The following CHD8 variants were observed in gnomAD, a reference collection of about 807,000 sequenced individuals.
The protein encoded by CHD8 is chromodomain helicase DNA binding protein 8.
CHD8 carries 31 observed loss-of-function variants against 279.2 expected under a neutral mutation model. That is an observed-to-expected ratio of 0.11 (90% confidence interval 0.08 to 0.15). The LOEUF (loss-of-function observed/expected upper bound fraction) is 0.15, where lower values mean the gene tolerates loss of function less well. CHD8 is among the 10% of genes least tolerant of loss of function. The pLI is 1.00. For missense variants in CHD8, 2,146 were observed against 3,230.5 expected, an observed-to-expected ratio of 0.66 and a Z score of 8.14; for synonymous variants, 1,081 against 1,139.6, an observed-to-expected ratio of 0.95 and a Z score of 1.04.
chr14:21,420,748 T>C (rs1366135371), intron 5 of CHD8, among the ~76,000 whole-genome samples: 4 of 152,136 alleles, frequency 2.6e-5, no homozygotes, highest in Admixed American at 2.6e-4. Flanking sequence ...CTACCTGTTG[T>C]AATTTTTCTC....
intron 1 of CHD8, chr14:21,436,879 G>A: frequency 1.8e-6 from 2 of 1,104,948 alleles, no homozygotes; most frequent in Non-Finnish European, 2.4e-6. Context: ...GGGTGGGGGT[G>A]GGGGGGACCC....
chr14:21,438,692 C>T (rs1397729892), intron 1 of CHD8, among the ~76,000 whole-genome samples: 2 of 151,702 alleles, frequency 1.3e-5, no homozygotes, highest in African/African-American at 4.8e-5. Flanking sequence ...AATTACTGGG[C>T]GTAGTGGCAT....
intron 4 of CHD8, chr14:21,427,126 T>C (rs562532475): frequency 2.0e-5 from 3 of 152,662 alleles, no homozygotes; most frequent in Non-Finnish European, 4.4e-5. Flanking sequence ...CTATAAGCAT[T>C]AGGACAGAAA....
intron 13 of CHD8, among the ~76,000 whole-genome samples, chr14:21,407,626 T>C (rs1888307091): frequency 6.6e-6 from 1 of 152,178 alleles, no homozygotes; most frequent in Non-Finnish European, 1.5e-5. Flanking sequence ...TTTCTTTTTT[T>C]GAGACACAGT....
At chr14:21,455,473 A>T (rs1685602459) in intron 1 of CHD8, among the ~76,000 whole-genome samples, 1 of 152,122 alleles carries the variant, frequency 6.6e-6, no homozygotes, top group South Asian at 2.1e-4. Context: ...TCTTCCCACC[A>T]TCTCTAAACA....
chr14:21,414,168 T>TGA (rs1183865811), intron 9 of CHD8, 133 bp downstream of exon 9: 1 of 607,142 alleles, frequency 1.6e-6, no homozygotes, highest in Admixed American at 3.0e-5. Flanking sequence ...GGGAAGTCAA[T>TGA]GACCAAAATT....
intron 13 of CHD8, among the ~76,000 whole-genome samples, chr14:21,407,860 C>T (rs374191701): frequency 3.3e-5 from 5 of 152,198 alleles, no homozygotes; most frequent in African/African-American, 9.6e-5. Flanking sequence ...AAGCCCACCT[C>T]GGCCTCCCAA....
At position 21,403,000 on chromosome 14, in the gene CHD8, AC is replaced by A. The variant is rs1210004131; in HGVS notation, c.3714+16del. ...CCAAGTTAGGTAGTTAGTCCCTAAG[AC>A]AATGAATTCCTTTACCTGCAGGTCA... On this transcript the variant is annotated intron_variant, in intron 18 of 37. Coordinates refer to ENST00000646647, the MANE Select transcript of CHD8 (RefSeq NM_001170629.2). This position sits in a 1 kb window ranked among gnomAD's most constrained non-coding sequence, Gnocchi z 4.5. 18 of 1,602,044 alleles carry A rather than the reference AC, an allele frequency of 1.1e-5. No individual in the cohort carries two copies. The highest frequency in any genetic ancestry group is 1.5e-5 in the Non-Finnish European group (18 of 1,170,482).
Position 21,392,994 on chromosome 14 carries a change from C to A in CHD8, c.6468+112G>T, listed in dbSNP as rs72684753. On this transcript the variant is annotated intron_variant, in intron 33 of 37. Transcript: ENST00000646647. ...TCCTGGAAAAAAAAAAAAAAACTTG[C>A]AGCAATAAACACAATTTTAAAAATC... 5,256 of 1,280,958 alleles carry A rather than the reference C, an allele frequency of 4.1e-3. 13 individuals are homozygous for A. Among genetic ancestry groups the A allele is most frequent in the Admixed American group, 6.8e-3 (242 of 35,372 alleles). The allele number at this position is 1,280,958 out of a possible 1,614,324, so 79.3% of individuals were successfully genotyped here.
At chr14:21,411,469 G>A (rs1408943555) in intron 10 of CHD8, among the ~76,000 whole-genome samples, 1 of 152,152 alleles carries the variant, frequency 6.6e-6, no homozygotes, top group Non-Finnish European at 1.5e-5. Flanking sequence ...GGTCCTGTTA[G>A]AATGATGTAT....
chr14:21,405,560 T>G lies in CHD8; in HGVS notation c.3052-96A>C. 2 of 1,508,144 alleles carry G rather than the reference T, an allele frequency of 1.3e-6. No homozygotes were observed. The highest frequency in any genetic ancestry group is 1.8e-6 in the Non-Finnish European group (2 of 1,116,830). 93.4% of individuals were successfully genotyped at this position (1,508,144 alleles called of 1,614,324 possible). On this transcript the variant is annotated intron_variant, in intron 15 of 37. Coordinates refer to ENST00000646647, the MANE Select transcript of CHD8 (RefSeq NM_001170629.2). This position sits in a 1 kb window ranked among gnomAD's most constrained non-coding sequence, Gnocchi z 4.2. ...ATGGAAAAATTAGAGTTTTCCACTA[T>G]CTAAGAAATGTATACTTTGGATGAT...
chr14:21,428,369 GCTC>G, intron 3 of CHD8, 115 bp from the exon 4 acceptor site: 1 of 919,600 alleles, frequency 1.1e-6, no homozygotes. Context: ...CAAGAATCAA[GCTC>G]AGACTAAATC....
At position 21,412,962 on chromosome 14, in the gene CHD8, A is replaced by T; in HGVS notation, c.2177T>A (p.Val726Glu). 6.2e-7 allele frequency: 1 copy of T among 1,610,786 alleles called. No homozygotes were observed. Among genetic ancestry groups the T allele is most frequent in the Non-Finnish European group, 8.5e-7 (1 of 1,177,382 alleles). Residue 726 changes from valine to glutamate, a missense_variant, in exon 10 of 38, where the codon GTG (valine) becomes GAG (glutamate). Physicochemically the swap from Val to Glu is moderately radical, Grantham distance 121 (BLOSUM62 -2). Coordinates refer to ENST00000646647, the MANE Select transcript of CHD8 (RefSeq NM_001170629.2). ...EEPFNPDYVE[V>E]DRILDESHSI... Reference sequence around the variant, plus strand: ...GTGAGACTCATCCAATATCCTATCCACCTCTACGTAGTCTGGATTAAAGGG... The same window carrying T: ...GTGAGACTCATCCAATATCCTATCCTCCTCTACGTAGTCTGGATTAAAGGG...
rs1161263807 is a variant in CHD8 at position 21,403,360 on chromosome 14, C to T, written c.3518+93G>A. 8.6e-6 allele frequency: 11 copies of T among 1,276,120 alleles called. No individual in the cohort carries two copies. The East Asian group carries it at 2.5e-4, about 29-fold the overall frequency. The allele number at this position is 1,276,120 out of a possible 1,614,324, so 79.0% of individuals were successfully genotyped here. On this transcript the variant is annotated intron_variant, in intron 17 of 37. Coordinates refer to ENST00000646647, the MANE Select transcript of CHD8 (RefSeq NM_001170629.2). The surrounding 1 kb of genome is among the most constrained non-coding windows in gnomAD (Gnocchi z 4.3). ...AGAATCTTAAAAACTTCTCTTATTG[C>T]AATTGGTGAACTCTAATTAAATCCA...
chr14:21,385,596 G>C lies in CHD8; in HGVS notation c.*17C>G, dbSNP rs1476454860. 4.5e-6 allele frequency: 7 copies of C among 1,544,944 alleles called. No homozygotes were observed. The highest frequency in any genetic ancestry group is 6.1e-6 in the Non-Finnish European group (7 of 1,143,100). ...AAATACAGCAGCCGCCCAAGCAATG[G>C]GGCCCATGCTGGGGCTTCAGTCATC... On this transcript the variant is annotated 3_prime_UTR_variant, in exon 38 of 38. Coordinates refer to ENST00000646647, the MANE Select transcript of CHD8 (RefSeq NM_001170629.2).
At chr14:21,401,916 GTC>G (rs1403901613) in intron 20 of CHD8, 39 bp downstream of exon 20, 1 of 1,525,288 alleles carries the variant, frequency 6.6e-7, no homozygotes, top group African/African-American at 1.4e-5. Context: ...AGAGATTCCG[GTC>G]TCTGTGTTTT....
At chr14:21,419,341 C>T (rs1390026059) in intron 5 of CHD8, among the ~76,000 whole-genome samples, 1 of 152,086 alleles carries the variant, frequency 6.6e-6, no homozygotes, top group Non-Finnish European at 1.5e-5. Context: ...GGCAGACTGC[C>T]TGAGCTCAGG....
At chr14:21,395,208 T>C in intron 29 of CHD8, 89 bp from the exon 30 acceptor site, 1 of 1,527,062 alleles carries the variant, frequency 6.5e-7, no homozygotes, top group Non-Finnish European at 9.0e-7. Flanking sequence ...GGCAAAGCTC[T>C]TAGAAATCCC....
At chr14:21,389,666 T>C (rs1887439863) in intron 37 of CHD8, among the ~76,000 whole-genome samples, 1 of 152,174 alleles carries the variant, frequency 6.6e-6, no homozygotes, top group African/African-American at 2.4e-5. Context: ...AAGGTAAGCA[T>C]AGCCAAGAGA....
Sources: gnomAD v4.1 joint callset for allele counts (sites outside exome capture counted in the v4.1 genomes callset) on GRCh38, gnomAD v4.1.1 for gene constraint, Gnocchi (gnomAD v3.1) non-coding constraint, MANE v1.5 for transcripts, NCBI Gene and HGNC (gene_info 2026-07-23, HGNC 2026-07-21) for gene names.